The following PGBD2 variants were observed in gnomAD, a reference collection of about 807,000 sequenced individuals.
PGBD2 encodes piggyBac transposable element derived 2, also known as piggyBac transposable element-derived protein 2.
In PGBD2, 6 loss-of-function variants were observed where a neutral mutation model predicts 8.1. That is an observed-to-expected ratio of 0.74 (90% CI 0.40 to 1.46). The LOEUF is 1.46. Ranked by LOEUF, PGBD2 falls within the 40% of genes most tolerant of loss-of-function variation. The probability of loss-of-function intolerance (pLI) is 0.02; values close to 1 mark genes in which losing one functional copy is unlikely to be tolerated. For synonymous variants in PGBD2, 318 were observed against 272.2 expected, an observed-to-expected ratio of 1.17 and a Z score of -1.66; for missense variants, 802 against 739.0, an observed-to-expected ratio of 1.09 and a Z score of -0.99.
At chr1:248,914,535 C>G in intron 2 of PGBD2, 3 of 1,289,222 alleles carry the variant, frequency 2.3e-6, no homozygotes, top group Non-Finnish European at 3.0e-6. Context: ...TCTAATGCAG[C>G]CTGAACTCCA....
At chr1:248,908,479 C>T (rs1368018472) in intron 1 of PGBD2, among the ~76,000 whole-genome samples, 2 of 152,170 alleles carry the variant, frequency 1.3e-5, no homozygotes, top group African/African-American at 2.4e-5. Flanking sequence ...GCCCTACCCC[C>T]TCAACCAATT....
chr1:248,929,117 A>G, the PGBD2 span, among the ~76,000 whole-genome samples: 3 of 152,218 alleles, frequency 2.0e-5, no homozygotes, highest in African/African-American at 7.2e-5. Context: ...TATTAATATA[A>G]GGGAGAAATG....
chr1:248,925,429 A>G, the PGBD2 span, among the ~76,000 whole-genome samples: 353 of 152,336 alleles, frequency 2.3e-3, 3 homozygotes, highest in African/African-American at 8.1e-3. Flanking sequence ...TGTTGAAGCC[A>G]CAAACCACAG....
At chr1:248,928,782 AG>A in the PGBD2 span, among the ~76,000 whole-genome samples, 1 of 152,254 alleles carries the variant, frequency 6.6e-6, no homozygotes, top group Non-Finnish European at 1.5e-5. Context: ...TTTTTCCTGC[AG>A]AAGAATCCCA....
At chr1:248,881,732 A>T in the PGBD2 span, among the ~76,000 whole-genome samples, 18 of 152,312 alleles carry the variant, frequency 1.2e-4, no homozygotes, top group African/African-American at 3.6e-4. Context: ...TGAAATGACA[A>T]TTGTAATAAT....
the PGBD2 span, among the ~76,000 whole-genome samples, chr1:248,882,092 C>T: frequency 6.6e-6 from 1 of 152,140 alleles, no homozygotes; most frequent in Non-Finnish European, 1.5e-5. Context: ...CAATGGGGCT[C>T]TCTCTTTGTT....
chr1:248,882,160 G>T, the PGBD2 span, among the ~76,000 whole-genome samples: 1 of 152,156 alleles, frequency 6.6e-6, no homozygotes, highest in African/African-American at 2.4e-5. Context: ...TGAAAGCTGG[G>T]TCCAGGGGGG....
the PGBD2 span, among the ~76,000 whole-genome samples, chr1:248,898,642 C>T: frequency 6.6e-6 from 1 of 152,136 alleles, no homozygotes; most frequent in Non-Finnish European, 1.5e-5. Context: ...CGTTACCAGC[C>T]ACTACAAAAA....
At chr1:248,920,110 C>T (rs1300767495), downstream of PGBD2, among the ~76,000 whole-genome samples, 1 of 152,072 alleles carries the variant, frequency 6.6e-6, no homozygotes, top group East Asian at 1.9e-4. Context: ...CTCTTGAGCT[C>T]AAGTGATTTG....
the PGBD2 span, among the ~76,000 whole-genome samples, chr1:248,890,522 T>A: frequency 1.3e-5 from 2 of 152,114 alleles, no homozygotes; most frequent in Non-Finnish European, 2.9e-5. Context: ...CCATGTGGTC[T>A]CTTACCAGTC....
the PGBD2 span, among the ~76,000 whole-genome samples, chr1:248,899,008 G>C: frequency 1.3e-5 from 2 of 152,100 alleles, no homozygotes; most frequent in African/African-American, 4.8e-5. Flanking sequence ...ACACAAAGAA[G>C]GGCATTACAT....
At chr1:248,897,959 C>A in the PGBD2 span, among the ~76,000 whole-genome samples, 1 of 152,206 alleles carries the variant, frequency 6.6e-6, no homozygotes, top group South Asian at 2.1e-4. Flanking sequence ...TCAGCAGCTA[C>A]GGCAGGTTGT....
At chr1:248,873,902 T>A in the PGBD2 span, among the ~76,000 whole-genome samples, 4 of 152,166 alleles carry the variant, frequency 2.6e-5, no homozygotes, top group Non-Finnish European at 5.9e-5. Flanking sequence ...GGTAAGCACC[T>A]TGCCTGCGGG....
chr1:248,907,699 G>A (rs1385367737), intron 1 of PGBD2, among the ~76,000 whole-genome samples: 2 of 152,178 alleles, frequency 1.3e-5, no homozygotes, highest in African/African-American at 4.8e-5. Flanking sequence ...GACATGTCCT[G>A]CACAGCCCTA....
upstream of PGBD2, among the ~76,000 whole-genome samples, chr1:248,901,343 A>G (rs1008170551): frequency 2.0e-5 from 3 of 152,200 alleles, no homozygotes; most frequent in Non-Finnish European, 2.9e-5. Flanking sequence ...TTCAAACTAT[A>G]TAAGAAGGCT....
rs531757794 is a variant in PGBD2, at chr1:248,916,583, C to T, written c.18-19C>T. 6.2e-7 allele frequency: 1 copy of T among 1,608,458 alleles called. No individual in the cohort carries two copies. Among genetic ancestry groups the T allele is most frequent in the South Asian group, 1.1e-5 (1 of 90,790 alleles). On this transcript the variant is annotated intron_variant, in intron 2 of 2. Transcript: ENST00000329291. ...TTTCTGGCATGGCCTCTTCCTGATT[C>T]TGTTTCCTGTCATAACAGAGATGTC...
In PGBD2 at chr1:248,906,304, C is replaced by T. The variant is rs1329994734; in HGVS notation, c.-86C>T. On this transcript the variant is annotated 5_prime_UTR_variant, in exon 1 of 3. Transcript: ENST00000329291. ...GCTCCGATTCGGCGCGGCTCATGGTCCGGTTCGGGCTCGCGAGTCTCCGTC... is the reference window on the plus strand; with the variant it reads ...GCTCCGATTCGGCGCGGCTCATGGTTCGGTTCGGGCTCGCGAGTCTCCGTC... The T allele has an allele frequency of 6.6e-6, 1 of 152,004 alleles. No individual in the cohort carries two copies. Among genetic ancestry groups the T allele is most frequent in the Non-Finnish European group, 1.5e-5 (1 of 68,034 alleles). 9.4% of individuals were successfully genotyped at this position (152,004 alleles called of 1,614,324 possible).
At chr1:248,879,906 A>G in the PGBD2 span, among the ~76,000 whole-genome samples, 1 of 151,870 alleles carries the variant, frequency 6.6e-6, no homozygotes, top group African/African-American at 2.4e-5. Context: ...TATTCTTTTG[A>G]TTTTCTGATA....
rs1284053300 is a variant in PGBD2, at chr1:248,906,236, G to C, written c.-154G>C. The C allele has an allele frequency of 6.6e-6, 1 of 151,990 alleles. No homozygotes were observed. Among genetic ancestry groups the C allele is most frequent in the African/African-American group, 2.4e-5 (1 of 41,382 alleles). The allele number at this position is 151,990 out of a possible 1,614,324, so 9.4% of individuals were successfully genotyped here. A position where few individuals can be genotyped will look rare whatever the true frequency, so the allele number is the denominator to read the frequency against. On this transcript the variant is annotated 5_prime_UTR_variant, in exon 1 of 3. Coordinates refer to ENST00000329291, the MANE Select transcript of PGBD2 (RefSeq NM_170725.3). ...AGGTGCAGCGAGCCCTCTGGTGCCG[G>C]ACGTTGCGCGGCCGCGACGCCCGAC...
Sources: gnomAD v4.1 joint callset for allele counts (sites outside exome capture counted in the v4.1 genomes callset) on GRCh38, gnomAD v4.1.1 for gene constraint, MANE v1.5 for transcripts, NCBI Gene and HGNC (gene_info 2026-07-23, HGNC 2026-07-21) for gene names.